WNT2B: variants seen among roughly 807,000 people sequenced by gnomAD.
WNT2B encodes the protein protein Wnt-2b.
Under a neutral mutation model 40.5 loss-of-function variants are expected in WNT2B, and 19 were observed. The observed-to-expected ratio is 0.47, with a 90% CI of 0.33 to 0.69. The LOEUF (loss-of-function observed/expected upper bound fraction) is 0.69, where lower values mean the gene tolerates loss of function less well. Ranked by LOEUF, WNT2B falls within the 30% of genes least tolerant of loss-of-function variation. The pLI, the probability that WNT2B is intolerant of heterozygous loss-of-function variation, is 0.02. For missense variants in WNT2B, 467 were observed against 556.4 expected (o/e 0.84, Z 1.62); for synonymous variants, 220 against 211.9 (o/e 1.04, Z -0.33).
intron 1 of WNT2B, among the ~76,000 whole-genome samples, chr1:112,491,702 A>G (rs551003953): frequency 6.6e-6 from 1 of 152,244 alleles, no homozygotes; most frequent in African/African-American, 2.4e-5. Context: ...CCTATTCAAC[A>G]TAGACCACAT....
At chr1:112,493,388 T>C (rs1651661854) in intron 1 of WNT2B, among the ~76,000 whole-genome samples, 1 of 152,060 alleles carries the variant, frequency 6.6e-6, no homozygotes, top group African/African-American at 2.4e-5. Flanking sequence ...TTCAGGAGGC[T>C]GGGAGGATTG....
chr1:112,483,935 T>C (rs971792), intron 1 of WNT2B, among the ~76,000 whole-genome samples: 65,400 of 150,054 alleles, frequency 0.44, 15,889 homozygotes, highest in South Asian at 0.61. Context: ...TCAAATGAAA[T>C]GTCACCTCAC....
Position 112,523,538 on chromosome 1 carries a change from G to A in WNT2B, c.*3029G>A, listed in dbSNP as rs1652996456. 6.6e-6 allele frequency: 1 copy of A among 152,150 alleles called. No individual in the cohort carries two copies. Among genetic ancestry groups the A allele is most frequent in the Admixed American group, 6.5e-5 (1 of 15,274 alleles). 9.4% of individuals were successfully genotyped at this position (152,150 alleles called of 1,614,324 possible). A position where few individuals can be genotyped will look rare whatever the true frequency, so the allele number is the denominator to read the frequency against. On this transcript the variant is annotated 3_prime_UTR_variant, in exon 5 of 5. Transcript: ENST00000369684. Reference sequence around the variant, plus strand: ...ATTTATTTGGAACAAGCAGCAAAATGAGAACTTTATTTGGTGCAGTCAGGG... The same window carrying A: ...ATTTATTTGGAACAAGCAGCAAAATAAGAACTTTATTTGGTGCAGTCAGGG...
intron 1 of WNT2B, among the ~76,000 whole-genome samples, chr1:112,493,358 C>T (rs537909812): frequency 1.3e-5 from 2 of 152,168 alleles, no homozygotes; most frequent in Non-Finnish European, 2.9e-5. Flanking sequence ...CATGATGGCT[C>T]ACACCTGTAA....
intron 1 of WNT2B, among the ~76,000 whole-genome samples, chr1:112,500,149 G>A (rs574887603): frequency 6.6e-6 from 1 of 152,314 alleles, no homozygotes; most frequent in South Asian, 2.1e-4. Flanking sequence ...GACTCTCCAA[G>A]AGGTTCATAG....
At position 112,520,557 on chromosome 1, in the gene WNT2B, A is replaced by C. The variant is rs757269199; in HGVS notation, c.*48A>C. ...CCTCCAATTCAAGCCTCTCAACTCA[A>C]AAGCACAAGATCCTTGCATGCACAC... On this transcript the variant is annotated 3_prime_UTR_variant, in exon 5 of 5. Transcript: ENST00000369684. 2 of 1,585,228 alleles carry C rather than the reference A, an allele frequency of 1.3e-6. No individual in the cohort carries two copies. Among genetic ancestry groups the C allele is most frequent in the African/African-American group, 2.7e-5 (2 of 73,960 alleles).
intron 1 of WNT2B, among the ~76,000 whole-genome samples, chr1:112,488,890 A>T (rs1253490834): frequency 1.3e-5 from 2 of 151,828 alleles, no homozygotes; most frequent in Non-Finnish European, 2.9e-5. Flanking sequence ...GGATTTTCCT[A>T]TGTCACCCAG....
intron 1 of WNT2B, among the ~76,000 whole-genome samples, chr1:112,488,340 A>G (rs1157305207): frequency 6.6e-6 from 1 of 152,056 alleles, no homozygotes; most frequent in African/African-American, 2.4e-5. Context: ...ACACACACAC[A>G]CAAACTCTAA....
rs935977473 is a variant in WNT2B at position 112,524,285 on chromosome 1, TTTAAA to T, written c.*3778_*3782del. The T allele has an allele frequency of 3.9e-5, 6 of 152,558 alleles. No individual in the cohort carries two copies. The highest frequency in any genetic ancestry group is 8.8e-5 in the Non-Finnish European group (6 of 68,040). The allele number at this position is 152,558 out of a possible 1,614,324, so 9.5% of individuals were successfully genotyped here. On this transcript the variant is annotated 3_prime_UTR_variant, in exon 5 of 5. Transcript: ENST00000369684. ...TTCCTCAGTCTTTCTGAGGTTTTTA[TTTAAA>T]TGCACTCAGTGGTCATAGGGCAGAA... is the stretch of plus-strand genomic sequence containing the variant.
rs1653130193 is a variant in WNT2B, at chr1:112,524,604, TTGG to T, written c.*4099_*4101del. The stretch of plus-strand genomic sequence containing the variant: ...AGCTCACACCTGGTTATTGATGGCC[TTGG>T]TGGAGGCCTCTGCCCCGACCCTCCA... On this transcript the variant is annotated 3_prime_UTR_variant, in exon 5 of 5. Coordinates refer to ENST00000369684, the MANE Select transcript of WNT2B (RefSeq NM_024494.3). 3.9e-5 allele frequency: 6 copies of T among 152,630 alleles called. No individual in the cohort carries two copies. The highest frequency in any genetic ancestry group is 3.9e-4 in the Admixed American group (6 of 15,268). 9.5% of individuals were successfully genotyped at this position (152,630 alleles called of 1,614,324 possible).
At chr1:112,514,030 GA>G (rs1479341882) in intron 1 of WNT2B, among the ~76,000 whole-genome samples, 1 of 152,214 alleles carries the variant, frequency 6.6e-6, no homozygotes, top group East Asian at 1.9e-4. Flanking sequence ...AAACAATAAT[GA>G]CTCTGGCAAC....
intron 1 of WNT2B, among the ~76,000 whole-genome samples, chr1:112,486,002 T>C (rs1006768451): frequency 2.0e-5 from 3 of 152,208 alleles, no homozygotes; most frequent in African/African-American, 7.2e-5. Flanking sequence ...ATAAACCCAA[T>C]TGGTCATTTA....
In WNT2B at chr1:112,509,572, G is replaced by A. The variant is rs1652271885; in HGVS notation, c.182+128G>A. ...GGTTGGAGACGATTCGGGCAGGACT[G>A]TCACTGAAATCTGAAGTCGCGGGGT... On this transcript the variant is annotated intron_variant, in intron 1 of 4. Transcript: ENST00000369684. This position sits in a 1 kb window ranked among gnomAD's most constrained non-coding sequence, Gnocchi z 4.2. The A allele has an allele frequency of 1.9e-6, 2 of 1,059,298 alleles. No homozygotes were observed. The highest frequency in any genetic ancestry group is 1.3e-6 in the Non-Finnish European group (1 of 791,198). 65.6% of individuals were successfully genotyped at this position (1,059,298 alleles called of 1,614,324 possible). A position where few individuals can be genotyped will look rare whatever the true frequency, so the allele number is the denominator to read the frequency against.
At chr1:112,508,105 C>T (rs1652181293), upstream of WNT2B, among the ~76,000 whole-genome samples, 1 of 152,030 alleles carries the variant, frequency 6.6e-6, no homozygotes, top group Non-Finnish European at 1.5e-5. The surrounding 1 kb of genome is among the most constrained non-coding windows in gnomAD (Gnocchi z 4.2). Context: ...AGCTCCAGGG[C>T]TTCCACTCTC....
At chr1:112,483,093 A>G (rs1273678949) in intron 1 of WNT2B, among the ~76,000 whole-genome samples, 2 of 151,936 alleles carry the variant, frequency 1.3e-5, no homozygotes, top group African/African-American at 4.8e-5. Flanking sequence ...CTGAGGCAGG[A>G]GGATGCTTCA....
rs146932823 is a variant in WNT2B at position 112,478,299 on chromosome 1, AT to A, written c.-95+10709del. Among the ~76,000 whole-genome samples, 935 of 152,170 alleles carry A rather than the reference AT, an allele frequency of 6.1e-3. 6 individuals carry two copies. The highest frequency in any genetic ancestry group is 0.021 in the African/African-American group (878 of 41,516). The stretch of plus-strand genomic sequence containing the variant: ...AGGGCAGAAAGCTTATTAAAAAAAA[AT>A]AATAAAGGCTAAAAACTTCCCAAAT... On this transcript the variant is annotated intron_variant, in intron 1 of 4. Transcript: ENST00000256640.
intron 1 of WNT2B, among the ~76,000 whole-genome samples, chr1:112,473,417 C>A (rs1467912003): frequency 6.6e-6 from 1 of 151,856 alleles, no homozygotes; most frequent in East Asian, 1.9e-4. Flanking sequence ...TAAAATCAAA[C>A]TTCTAGAGAT....
intron 1 of WNT2B, among the ~76,000 whole-genome samples, chr1:112,493,435 T>C (rs978208479): frequency 1.1e-4 from 17 of 151,948 alleles, no homozygotes; most frequent in African/African-American, 4.1e-4. Flanking sequence ...CTGGGCAACA[T>C]AGTGAGACCC....
intron 1 of WNT2B, among the ~76,000 whole-genome samples, chr1:112,480,670 C>T (rs1759693): frequency 0.18 from 26,627 of 152,012 alleles, 2,556 homozygotes; most frequent in East Asian, 0.38. Flanking sequence ...GAATGAACAC[C>T]TAATCTTTCT....
Sources: gnomAD v4.1 joint callset for allele counts (sites outside exome capture counted in the v4.1 genomes callset) on GRCh38, gnomAD v4.1.1 for gene constraint, Gnocchi (gnomAD v3.1) non-coding constraint, MANE v1.5 for transcripts, NCBI Gene and HGNC (gene_info 2026-07-23, HGNC 2026-07-21) for gene names.